Variants in EVL observed in about 807,000 individuals in gnomAD.
EVL encodes ena/VASP-like protein.
EVL carries 21 observed loss-of-function variants against 59.6 expected under a neutral mutation model. The observed-to-expected ratio is 0.35, with a 90% confidence interval of 0.25 to 0.51. The LOEUF is 0.51. Among genes scored for constraint, EVL ranks in the 20% least tolerant of loss-of-function variants. The pLI, the probability that EVL is intolerant of heterozygous loss-of-function variation, is 0.97. For missense variants in EVL, 462 were observed against 546.6 expected (o/e 0.85, Z 1.54); for synonymous variants, 198 against 203.5 (o/e 0.97, Z 0.23).
intron 1 of EVL, among the ~76,000 whole-genome samples, chr14:100,030,047 A>AC (rs1376191668): frequency 2.0e-5 from 3 of 151,014 alleles, no homozygotes; most frequent in Admixed American, 2.0e-4. Context: ...GTAAAATGGG[A>AC]CTATTACCAA....
intron 3 of EVL, among the ~76,000 whole-genome samples, chr14:100,121,920 G>A (rs1378686645): frequency 6.6e-6 from 1 of 152,204 alleles, no homozygotes; most frequent in East Asian, 1.9e-4. Flanking sequence ...GCTAGACAGG[G>A]TCGCTGGGAC....
chr14:100,086,431 C>G (rs539062742), intron 2 of EVL, among the ~76,000 whole-genome samples: 6 of 152,232 alleles, frequency 3.9e-5, no homozygotes, highest in Non-Finnish European at 8.8e-5. Context: ...CAAGGTCCAC[C>G]TTGTGCAGTT....
At chr14:100,092,536 A>G (rs1461397798) in intron 2 of EVL, among the ~76,000 whole-genome samples, 1 of 152,180 alleles carries the variant, frequency 6.6e-6, no homozygotes, top group African/African-American at 2.4e-5. Context: ...GGGTTTCAAG[A>G]TCAGCCTGGC....
intron 10 of EVL, 43 bp downstream of exon 10, chr14:100,137,687 C>CAG (rs776124630): frequency 1.9e-6 from 3 of 1,613,842 alleles, no homozygotes; most frequent in Non-Finnish European, 2.5e-6. Flanking sequence ...GCTGGTGGGG[C>CAG]AGAGGCGGGC....
chr14:100,101,584 A>C (rs1465787846), intron 3 of EVL, among the ~76,000 whole-genome samples: 1 of 152,204 alleles, frequency 6.6e-6, no homozygotes, highest in Non-Finnish European at 1.5e-5. Flanking sequence ...CAGAGGTTGC[A>C]GTAAGCCGAG....
At chr14:100,135,809 AC>A (rs1334709679) in intron 8 of EVL, 95 bp from the exon 9 acceptor site, 1 of 1,081,886 alleles carries the variant, frequency 9.2e-7, no homozygotes, top group Non-Finnish European at 1.4e-6. Flanking sequence ...TTCATTGGGA[AC>A]ATTTGGAAAA....
At chr14:100,088,270 A>G (rs1226589686) in intron 2 of EVL, among the ~76,000 whole-genome samples, 1 of 152,202 alleles carries the variant, frequency 6.6e-6, no homozygotes, top group Non-Finnish European at 1.5e-5. Context: ...CCAGGCATAT[A>G]TGGGGTCAAG....
chr14:100,031,583 A>T (rs536751008), intron 1 of EVL, among the ~76,000 whole-genome samples: 1 of 152,228 alleles, frequency 6.6e-6, no homozygotes, highest in South Asian at 2.1e-4. Context: ...ACAATGTTTG[A>T]TCTAGAACTT....
intron 1 of EVL, among the ~76,000 whole-genome samples, chr14:100,039,438 T>C (rs1260666240): frequency 1.3e-5 from 2 of 152,174 alleles, no homozygotes; most frequent in South Asian, 4.1e-4. Flanking sequence ...GGTTTTGCCA[T>C]GTCGGTCAGG....
intron 1 of EVL, among the ~76,000 whole-genome samples, chr14:100,010,912 G>A (rs1009769756): frequency 6.6e-6 from 1 of 152,230 alleles, no homozygotes; most frequent in Non-Finnish European, 1.5e-5. Flanking sequence ...AGATCCAAAA[G>A]TGAGGTCGTT....
intron 3 of EVL, among the ~76,000 whole-genome samples, chr14:100,118,690 C>T (rs960391752): frequency 4.6e-5 from 7 of 152,184 alleles, no homozygotes; most frequent in African/African-American, 1.7e-4. Flanking sequence ...GCTCCTGTCC[C>T]CTGTGGCTGG....
chr14:99,996,367 C>T (rs1208616151), intron 1 of EVL, among the ~76,000 whole-genome samples: 2 of 152,068 alleles, frequency 1.3e-5, no homozygotes, highest in Non-Finnish European at 2.9e-5. Flanking sequence ...TTTTCTATTC[C>T]ATCATCTTCC....
At chr14:100,000,092 T>G (rs1360629790) in intron 1 of EVL, among the ~76,000 whole-genome samples, 1 of 152,018 alleles carries the variant, frequency 6.6e-6, no homozygotes, top group Non-Finnish European at 1.5e-5. Context: ...CTGAGATAGG[T>G]CTCAGTTAAT....
chr14:99,971,592 G>C (rs1253743215), exon 1 of EVL: 1 of 151,616 alleles, frequency 6.6e-6, no homozygotes, highest in Non-Finnish European at 1.5e-5. Context: ...CCTAGCTCTT[G>C]GCTGCTGTGC....
intron 13 of EVL, among the ~76,000 whole-genome samples, chr14:100,142,661 C>A (rs764817163): frequency 6.6e-6 from 1 of 152,152 alleles, no homozygotes; most frequent in African/African-American, 2.4e-5. Context: ...CAGGCCTCCT[C>A]CCCCAGCCGG....
At chr14:100,124,734 G>T (rs1338094066) in intron 4 of EVL, among the ~76,000 whole-genome samples, 1 of 152,204 alleles carries the variant, frequency 6.6e-6, no homozygotes, top group Non-Finnish European at 1.5e-5. Context: ...TACAGGCGTG[G>T]ATGGCTAAAT....
intron 1 of EVL, among the ~76,000 whole-genome samples, chr14:100,056,619 G>A (rs779116480): frequency 8.6e-5 from 13 of 152,032 alleles, no homozygotes; most frequent in Admixed American, 5.2e-4. Context: ...AATGATGTCC[G>A]TAGAATATTC....
intron 1 of EVL, among the ~76,000 whole-genome samples, chr14:100,002,943 A>G (rs979507955): frequency 6.6e-6 from 1 of 152,224 alleles, no homozygotes; most frequent in South Asian, 2.1e-4. Context: ...AATCTTGACC[A>G]TAATATATAA....
Position 100,144,110 on chromosome 14 carries a change from G to C in EVL, c.*372G>C. ...AGCTGGCGGTGACAGCCGGCCCAGC[G>C]TGGCGCCACCACACACCGCAGAGCT... On this transcript the variant is annotated 3_prime_UTR_variant, in exon 14 of 14. Transcript: ENST00000392920. 3.1e-6 allele frequency: 1 copy of C among 322,720 alleles called. No homozygotes were observed. The highest frequency in any genetic ancestry group is 5.8e-6 in the Non-Finnish European group (1 of 171,784). 20.0% of individuals were successfully genotyped at this position (322,720 alleles called of 1,614,324 possible).
Sources: gnomAD v4.1 joint callset for allele counts (sites outside exome capture counted in the v4.1 genomes callset) on GRCh38, gnomAD v4.1.1 for gene constraint, MANE v1.5 for transcripts, NCBI Gene and HGNC (gene_info 2026-07-23, HGNC 2026-07-21) for gene names.